AASS: variants seen among roughly 807,000 people sequenced by gnomAD.
AASS encodes alpha-aminoadipic semialdehyde synthase, mitochondrial.
AASS carries 86 observed loss-of-function variants against 105.4 expected under a neutral mutation model. The observed-to-expected ratio is 0.82, with a 90% CI of 0.69 to 0.98. The LOEUF (loss-of-function observed/expected upper bound fraction) is 0.98, where lower values mean the gene tolerates loss of function less well. Among genes scored for constraint, AASS ranks in the 50% least tolerant of loss-of-function variants. AASS has a pLI of 0.00. For synonymous variants in AASS, 381 were observed against 394.8 expected (o/e 0.96, Z 0.41); for missense variants, 1,048 against 1,143.2 (o/e 0.92, Z 1.20).
intron 18 of AASS, among the ~76,000 whole-genome samples, chr7:122,089,515 A>C (rs1444797330): frequency 1.3e-5 from 2 of 152,228 alleles, no homozygotes; most frequent in Non-Finnish European, 2.9e-5. Flanking sequence ...GAATTCAACA[A>C]ATACAACTTC....
At chr7:122,081,816 A>G (rs1023203398) in intron 19 of AASS, 1 of 529,820 alleles carries the variant, frequency 1.9e-6, no homozygotes, top group Non-Finnish European at 3.4e-6. Context: ...GAGGATATAG[A>G]TACAACCAAT....
Position 122,101,352 on chromosome 7 carries a change from G to A in AASS, c.1406+19C>T, listed in dbSNP as rs761790043. On this transcript the variant is annotated intron_variant, in intron 13 of 23. Transcript: ENST00000417368. Reference sequence around the variant, plus strand: ...ATAAGAATAAATGTATAAAACAAGAGGATTTGAACAATACTTACCTGCTCT... The same window carrying A: ...ATAAGAATAAATGTATAAAACAAGAAGATTTGAACAATACTTACCTGCTCT... The A allele has an allele frequency of 6.4e-7, 1 of 1,572,658 alleles. No individual in the cohort carries two copies. The highest frequency in any genetic ancestry group is 8.7e-7 in the Non-Finnish European group (1 of 1,143,252).
intron 1 of AASS, among the ~76,000 whole-genome samples, chr7:122,137,564 A>G (rs1272716663): frequency 2.0e-5 from 3 of 152,032 alleles, no homozygotes; most frequent in African/African-American, 4.8e-5. Flanking sequence ...GGGTGCTTAG[A>G]AAAAAAATGG....
At chr7:122,126,591 C>A in intron 3 of AASS, 132 bp from the exon 4 acceptor site, 2 of 764,466 alleles carry the variant, frequency 2.6e-6, no homozygotes, top group Non-Finnish European at 2.3e-6. Context: ...CAGAAGCTAC[C>A]ATCAGGTATA....
chr7:122,136,113 C>G (rs1430976328), intron 1 of AASS, among the ~76,000 whole-genome samples: 3 of 152,148 alleles, frequency 2.0e-5, no homozygotes, highest in African/African-American at 7.2e-5. Flanking sequence ...ATTTTCTACC[C>G]ATCACCGCTA....
chr7:122,139,284 T>C (rs2150558520), intron 1 of AASS, among the ~76,000 whole-genome samples: 1 of 152,304 alleles, frequency 6.6e-6, no homozygotes, highest in East Asian at 1.9e-4. Context: ...ATGCACGGCA[T>C]GATGCACTTG....
rs1218966578 is a variant in AASS at position 122,117,228 on chromosome 7, G to A, written c.688-271C>T. On this transcript the variant is annotated intron_variant, in intron 6 of 23. Coordinates refer to ENST00000417368, the MANE Select transcript of AASS (RefSeq NM_005763.4). ...AGTATCGATAAGAGTGTTTAGAAAT[G>A]AGGGAAAAATATTTCCATTTATTTT... 2.0e-5 allele frequency among the ~76,000 whole-genome samples: 3 copies of A among 152,122 alleles called. No homozygotes were observed. In the East Asian group the frequency reaches 5.8e-4, roughly 29 times the overall value.
Position 122,113,715 on chromosome 7 carries a change from A to T in AASS, c.1049T>A (p.Val350Glu). Residue 350 changes from valine to glutamate, a missense_variant, in exon 10 of 24, where the codon GTG becomes GAG. By Grantham distance (121) the Val-to-Glu change is moderately radical. Coordinates refer to ENST00000417368, the MANE Select transcript of AASS (RefSeq NM_005763.4). ...GTCAGCTGAAATGTCACATATTGCC[A>T]CGAGTCTGAAAATAACATCAATACT... The part of the protein sequence containing the change: ...EGCPALPHKL[V>E]AICDISADTG... 1 of 1,612,948 alleles carries T rather than the reference A, an allele frequency of 6.2e-7. No homozygotes were observed. Among genetic ancestry groups the T allele is most frequent in the Non-Finnish European group, 8.5e-7 (1 of 1,179,882 alleles).
At chr7:122,134,266 G>GT in intron 1 of AASS, among the ~76,000 whole-genome samples, 1 of 151,958 alleles carries the variant, frequency 6.6e-6, no homozygotes, top group Admixed American at 6.6e-5. Context: ...GCACTGAACT[G>GT]TTTTTTTAAA....
At chr7:122,079,462 C>T (rs1793200017) in intron 21 of AASS, 135 bp downstream of exon 21, 1 of 1,060,824 alleles carries the variant, frequency 9.4e-7, no homozygotes, top group Non-Finnish European at 1.4e-6. Flanking sequence ...GAACATGGCA[C>T]ATGGTAATCT....
At chr7:122,085,165 T>C (rs1224598708) in intron 19 of AASS, among the ~76,000 whole-genome samples, 1 of 152,136 alleles carries the variant, frequency 6.6e-6, no homozygotes, top group Non-Finnish European at 1.5e-5. Flanking sequence ...ACAAATTGGA[T>C]GGATGTGTCT....
chr7:122,098,612 G>A (rs746031727), intron 14 of AASS, 36 bp from the exon 15 acceptor site: 22 of 1,595,504 alleles, frequency 1.4e-5, no homozygotes, highest in Non-Finnish European at 1.8e-5. Context: ...TTTTAGATAT[G>A]TCAGAGTAAA....
intron 1 of AASS, among the ~76,000 whole-genome samples, chr7:122,139,236 C>T (rs1341743716): frequency 6.6e-6 from 1 of 152,068 alleles, no homozygotes; most frequent in Non-Finnish European, 1.5e-5. Flanking sequence ...GCTTTTGATT[C>T]TCTTTAATTA....
intron 4 of AASS, among the ~76,000 whole-genome samples, chr7:122,125,167 G>A (rs943578146): frequency 6.6e-6 from 1 of 151,808 alleles, no homozygotes; most frequent in Non-Finnish European, 1.5e-5. Context: ...TGATCCGCCC[G>A]CCTCAGCCTC....
chr7:122,136,245 C>G (rs1035844559), intron 1 of AASS, among the ~76,000 whole-genome samples: 1 of 152,132 alleles, frequency 6.6e-6, no homozygotes, highest in Non-Finnish European at 1.5e-5. Flanking sequence ...AAGTACATTT[C>G]CTGGGGGCAA....
rs531764796 is a variant in AASS, at chr7:122,119,463, A to G, written c.473-833T>C. On this transcript the variant is annotated intron_variant, in intron 4 of 23. Transcript: ENST00000417368. ...GTCTCAATTTGGATGTTCTTCAGAAAGCTAAAATTCAGCATCCCTGCAGCA... is the reference window on the plus strand; with the variant it reads ...GTCTCAATTTGGATGTTCTTCAGAAGGCTAAAATTCAGCATCCCTGCAGCA... Among the ~76,000 whole-genome samples the G allele has an allele frequency of 1.4e-4, 22 of 152,262 alleles. 1 individual carries two copies. In the South Asian group the frequency reaches 4.6e-3, roughly 32 times the overall value.
At chr7:122,108,595 A>C (rs1255700109) in intron 11 of AASS, among the ~76,000 whole-genome samples, 1 of 152,130 alleles carries the variant, frequency 6.6e-6, no homozygotes, top group Admixed American at 6.6e-5. Context: ...CAACAGAAAC[A>C]GAAAAAAATA....
At chr7:122,122,264 C>T (rs1004041639) in intron 4 of AASS, among the ~76,000 whole-genome samples, 2 of 151,728 alleles carry the variant, frequency 1.3e-5, no homozygotes, top group Non-Finnish European at 2.9e-5. Context: ...TTCTTCCTTC[C>T]TCACTGCAGT....
At chr7:122,112,255 G>A (rs1005861210) in intron 11 of AASS, among the ~76,000 whole-genome samples, 8 of 152,178 alleles carry the variant, frequency 5.3e-5, no homozygotes, top group African/African-American at 1.9e-4. Context: ...TTAGTACTTT[G>A]AACACTTCCT....
Sources: gnomAD v4.1 joint callset for allele counts (sites outside exome capture counted in the v4.1 genomes callset) on GRCh38, gnomAD v4.1.1 for gene constraint, MANE v1.5 for transcripts, NCBI Gene and HGNC (gene_info 2026-07-23, HGNC 2026-07-21) for gene names.